Variants in ANKAR observed in about 807,000 individuals in gnomAD.
ANKAR encodes ankyrin and armadillo repeat-containing protein.
A neutral mutation model predicts 146.2 loss-of-function variants in ANKAR; 136 were observed. That is an observed-to-expected ratio of 0.93 (90% CI 0.81 to 1.07). The LOEUF (loss-of-function observed/expected upper bound fraction) is 1.07, where lower values mean the gene tolerates loss of function less well. Among genes scored for constraint, ANKAR ranks in the 50% least tolerant of loss-of-function variants. The pLI is 0.00. For missense variants in ANKAR, 1,567 were observed against 1,679.9 expected, an observed-to-expected ratio of 0.93 and a Z score of 1.18; for synonymous variants, 500 against 575.8, an observed-to-expected ratio of 0.87 and a Z score of 1.88.
intron 17 of ANKAR, among the ~76,000 whole-genome samples, chr2:189,736,498 G>GTTTTTT (rs1559139068): frequency 3.7e-4 from 2 of 5,448 alleles, no homozygotes; most frequent in Non-Finnish European, 1.8e-3. Context: ...TAGGTGACTG[G>GTTTTTT]GTTTTGTGTG....
rs1422561376 is a variant in ANKAR at position 189,736,502 on chromosome 2, T to TTTTTTTTTGTG, written c.3424-1180_3424-1179insTTTTTTTGTGT. ...TTTTGCCTATTTAGGTGACTGGGTT[T>TTTTTTTTTGTG]TGTGTGTGTGTGTGTGTGTGTGTGT... On this transcript the variant is annotated intron_variant, in intron 17 of 22. Transcript: ENST00000684021. Among the ~76,000 whole-genome samples the TTTTTTTTTGTG allele has an allele frequency of 1.7e-3, 246 of 142,058 alleles. 11 individuals carry two copies. The highest frequency in any genetic ancestry group is 6.1e-3 in the African/African-American group (239 of 39,126). 93.2% of individuals were successfully genotyped at this position (142,058 alleles called of 152,430 possible).
chr2:189,753,007 CTA>C (rs1237975080), intron 18 of ANKAR: 4 of 1,583,344 alleles, frequency 2.5e-6, no homozygotes, highest in East Asian at 2.2e-5. Context: ...ACCAAAATAA[CTA>C]TCATATATGG....
intron 21 of ANKAR, 103 bp downstream of exon 21, chr2:189,743,577 A>G (rs1427069572): frequency 2.9e-6 from 3 of 1,036,106 alleles, no homozygotes; most frequent in African/African-American, 1.6e-5. Flanking sequence ...TGATATGAAC[A>G]TATCTCCTGT....
downstream of ANKAR, chr2:189,761,622 T>C: frequency 6.2e-7 from 1 of 1,601,338 alleles, no homozygotes; most frequent in African/African-American, 1.3e-5. Context: ...ACTCCTGCAG[T>C]CTTAGTCAAG....
At chr2:189,688,739 A>G (rs2035973328) in intron 2 of ANKAR, among the ~76,000 whole-genome samples, 1 of 152,252 alleles carries the variant, frequency 6.6e-6, no homozygotes, top group Non-Finnish European at 1.5e-5. Flanking sequence ...TGCACGTTAC[A>G]TATGATCCAT....
At chr2:189,744,594 A>G (rs1478558079) in intron 21 of ANKAR, 148 bp from the exon 22 acceptor site, 5 of 540,914 alleles carry the variant, frequency 9.2e-6, no homozygotes, top group East Asian at 3.1e-5. Flanking sequence ...CTTACAGATA[A>G]CATGCAGAGT....
chr2:189,708,977 C>G (rs1228963654), intron 9 of ANKAR, among the ~76,000 whole-genome samples: 2 of 152,172 alleles, frequency 1.3e-5, no homozygotes, highest in Non-Finnish European at 2.9e-5. Flanking sequence ...TGGCACGTGC[C>G]TGTAGTCCTA....
chr2:189,762,548 A>C (rs929630618), downstream of ANKAR: 4 of 969,600 alleles, frequency 4.1e-6, no homozygotes, highest in African/African-American at 1.8e-5. Context: ...GGGCCAAGAA[A>C]GCTGCAGGCT....
chr2:189,741,991 C>T (rs1275166626), intron 20 of ANKAR, among the ~76,000 whole-genome samples: 1 of 152,136 alleles, frequency 6.6e-6, no homozygotes, highest in African/African-American at 2.4e-5. Context: ...AAATGGAATT[C>T]ATAGGATAGC....
At chr2:189,702,709 G>A (rs367766217) in intron 7 of ANKAR, among the ~76,000 whole-genome samples, 2 of 152,104 alleles carry the variant, frequency 1.3e-5, no homozygotes, top group African/African-American at 4.8e-5. Flanking sequence ...AATAGATTTG[G>A]GTCAGATTTT....
At chr2:189,755,944 G>C (rs1455516306) in intron 18 of ANKAR, among the ~76,000 whole-genome samples, 1 of 152,178 alleles carries the variant, frequency 6.6e-6, no homozygotes, top group Non-Finnish European at 1.5e-5. Context: ...GAAAGTATTT[G>C]TGTAAAATGA....
downstream of ANKAR, chr2:189,762,882 C>T (rs903038048): frequency 1.0e-6 from 1 of 985,370 alleles, no homozygotes; most frequent in African/African-American, 1.7e-5. Flanking sequence ...TAAAGGCCGT[C>T]TTTGCCCAAA....
Position 189,689,894 on chromosome 2 carries a change from T to G in ANKAR, c.969T>G (p.Ile323Met). Residue 323 changes from isoleucine (I) to methionine (M), a missense_variant, in exon 3 of 23, where the codon ATT (isoleucine) becomes ATG (methionine). Ile to Met is a conservative substitution (Grantham distance 10, BLOSUM62 1). Coordinates refer to ENST00000684021, the MANE Select transcript of ANKAR (RefSeq NM_001378068.1). Reference protein sequence around the residue: ...IGYLKLICFLIPFLLSLKKKM... With the variant: ...IGYLKLICFLMPFLLSLKKKM... ...ACCTAAAGTTAATATGTTTTCTGAT[T>G]CCATTTCTACTGAGTTTAAAGAAGA... 1 of 1,578,604 alleles carries G rather than the reference T, an allele frequency of 6.3e-7. No homozygotes were observed. Among genetic ancestry groups the G allele is most frequent in the Non-Finnish European group, 8.6e-7 (1 of 1,168,724 alleles).
chr2:189,705,272 T>C (rs2038767829), intron 8 of ANKAR, 48 bp downstream of exon 8: 1 of 1,390,226 alleles, frequency 7.2e-7, no homozygotes, highest in South Asian at 1.3e-5. Flanking sequence ...GTCTAGGCAA[T>C]AATAAAAAAA....
intron 21 of ANKAR, among the ~76,000 whole-genome samples, chr2:189,744,103 G>C (rs1049448937): frequency 1.3e-5 from 2 of 152,176 alleles, no homozygotes; most frequent in African/African-American, 2.4e-5. Flanking sequence ...ATAGGAAATA[G>C]AACTACTCAA....
At chr2:189,724,846 T>G (rs765656954) in intron 12 of ANKAR, among the ~76,000 whole-genome samples, 3 of 152,158 alleles carry the variant, frequency 2.0e-5, no homozygotes, top group Non-Finnish European at 4.4e-5. Flanking sequence ...TATATTGATA[T>G]TCTACATAAT....
chr2:189,707,452 CA>C (rs67227035), intron 9 of ANKAR, among the ~76,000 whole-genome samples: 3,892 of 72,770 alleles, frequency 0.053, 36 homozygotes, highest in South Asian at 0.11. Flanking sequence ...TCTCCTTCAT[CA>C]AAAAAAAAAA....
intron 12 of ANKAR, among the ~76,000 whole-genome samples, chr2:189,725,679 G>A (rs1038521311): frequency 6.6e-6 from 1 of 152,082 alleles, no homozygotes; most frequent in East Asian, 1.9e-4. Flanking sequence ...GGGCCAAGAC[G>A]GGCAAATAGC....
chr2:189,750,040 T>C (rs971320155), downstream of ANKAR, among the ~76,000 whole-genome samples: 1 of 152,114 alleles, frequency 6.6e-6, no homozygotes, highest in Non-Finnish European at 1.5e-5. Flanking sequence ...GGAGAATCGC[T>C]TGAACCCAGA....
Sources: allele counts gnomAD v4.1 joint callset (sites outside exome capture counted in the v4.1 genomes callset), GRCh38; gene constraint gnomAD v4.1.1; transcripts MANE v1.5; gene names NCBI Gene and HGNC (gene_info 2026-07-23, HGNC 2026-07-21).